Variants in SORT1 observed in about 807,000 individuals in gnomAD.
The protein encoded by SORT1 is sortilin 1.
A neutral mutation model predicts 101.7 loss-of-function variants in SORT1; 39 were observed. That is an observed-to-expected ratio of 0.38 (90% CI 0.30 to 0.50). SORT1 has a LOEUF of 0.50. SORT1 is among the 20% of genes least tolerant of loss of function. The probability of loss-of-function intolerance (pLI) is 0.90; values close to 1 mark genes in which losing one functional copy is unlikely to be tolerated. For missense variants in SORT1, 878 were observed against 1,040.4 expected (o/e 0.84, Z 2.15); for synonymous variants, 396 against 393.7 (o/e 1.01, Z -0.07).
chr1:109,332,486 T>C (rs2101564050), intron 11 of SORT1, among the ~76,000 whole-genome samples: 1 of 152,250 alleles, frequency 6.6e-6, no homozygotes, highest in East Asian at 1.9e-4. Flanking sequence ...GGGAGGATTG[T>C]GTGAGCCTAG....
chr1:109,323,169 C>T (rs748113875), intron 14 of SORT1, 48 bp from the exon 15 acceptor site: 1 of 1,381,748 alleles, frequency 7.2e-7, no homozygotes, highest in South Asian at 1.3e-5. Context: ...ACAGAACCCA[C>T]CCACGGGAGG....
intron 4 of SORT1, 66 bp downstream of exon 4, chr1:109,355,301 C>T: frequency 1.2e-6 from 1 of 818,106 alleles, no homozygotes; most frequent in Non-Finnish European, 2.2e-6. Flanking sequence ...CATGCCAATA[C>T]TAATATCTGA....
At chr1:109,356,433 C>T (rs374016686) in intron 3 of SORT1, among the ~76,000 whole-genome samples, 1 of 152,284 alleles carries the variant, frequency 6.6e-6, no homozygotes, top group South Asian at 2.1e-4. Context: ...AGAAGCAGAG[C>T]CTATGACACT....
chr1:109,369,237 G>A (rs1219713634), intron 2 of SORT1, among the ~76,000 whole-genome samples: 2 of 152,138 alleles, frequency 1.3e-5, no homozygotes, highest in Non-Finnish European at 2.9e-5. Context: ...CAGGAGAATC[G>A]CTTGAACCCG....
Position 109,336,354 on chromosome 1 carries a change from G to C in SORT1, c.1265-8C>G. On this transcript the variant is annotated splice_region_variant and splice_polypyrimidine_tract_variant and intron_variant, in intron 10 of 19. Transcript: ENST00000256637. The stretch of plus-strand genomic sequence containing the variant: ...TGGTCTGGATAGAATTATCTGAATG[G>C]GAAGAGAACAACATTAAGTCTGATA... 1.9e-6 allele frequency: 3 copies of C among 1,545,320 alleles called. No individual in the cohort carries two copies. Among genetic ancestry groups the C allele is most frequent in the Non-Finnish European group, 1.8e-6 (2 of 1,117,086 alleles).
intron 10 of SORT1, among the ~76,000 whole-genome samples, chr1:109,339,611 T>C (rs775646574): frequency 1.2e-4 from 19 of 152,124 alleles, no homozygotes; most frequent in African/African-American, 4.3e-4. Context: ...TGCAATGAAG[T>C]AGAGAAATTG....
At chr1:109,319,439 T>G (rs1464577710) in intron 15 of SORT1, among the ~76,000 whole-genome samples, 1 of 152,210 alleles carries the variant, frequency 6.6e-6, no homozygotes, top group Non-Finnish European at 1.5e-5. Flanking sequence ...GTCTTGACCT[T>G]AGAAATTACT....
At chr1:109,369,726 A>G in intron 1 of SORT1, 137 bp from the exon 2 acceptor site, 1 of 650,634 alleles carries the variant, frequency 1.5e-6, no homozygotes, top group South Asian at 1.8e-5. Context: ...TTCCCAGTAC[A>G]AAATTTGGGA....
intron 3 of SORT1, among the ~76,000 whole-genome samples, chr1:109,364,468 T>A (rs1650949468): frequency 6.6e-6 from 1 of 152,340 alleles, no homozygotes; most frequent in South Asian, 2.1e-4. Flanking sequence ...ATATGTATGA[T>A]ACTGATCACA....
chr1:109,371,547 G>A (rs948706556), intron 1 of SORT1, among the ~76,000 whole-genome samples: 1 of 152,208 alleles, frequency 6.6e-6, no homozygotes, highest in Non-Finnish European at 1.5e-5. Flanking sequence ...TCATCAGGCT[G>A]TAAGATATCA....
intron 14 of SORT1, among the ~76,000 whole-genome samples, chr1:109,324,118 TTTTC>T (rs1647823274): frequency 8.8e-6 from 1 of 113,364 alleles, no homozygotes; most frequent in African/African-American, 3.0e-5. Flanking sequence ...TTTCCAGTGT[TTTTC>T]TTTATCCCCC....
chr1:109,362,927 T>C lies in SORT1; in HGVS notation c.440+4481A>G, dbSNP rs188536352. The stretch of plus-strand genomic sequence containing the variant: ...TGAACTGAGCATATCATTAAAAAGG[T>C]TGTTACACAACATGCCTTGAAGAAG... On this transcript the variant is annotated intron_variant, in intron 3 of 19. Transcript: ENST00000256637. Among the ~76,000 whole-genome samples, 796 of 152,196 alleles carry C rather than the reference T, an allele frequency of 5.2e-3. 4 individuals carry two copies. The highest frequency in any genetic ancestry group is 8.0e-3 in the Non-Finnish European group (545 of 67,978).
At chr1:109,340,449 T>A (rs1649134698) in intron 10 of SORT1, among the ~76,000 whole-genome samples, 1 of 151,966 alleles carries the variant, frequency 6.6e-6, no homozygotes, top group African/African-American at 2.4e-5. Flanking sequence ...CAATTTCTAT[T>A]TGGGATGATG....
In SORT1 at chr1:109,314,762, G is replaced by T. The variant is rs770388154; in HGVS notation, c.2267C>A (p.Ser756Tyr). ...SPEKQNSKSNSVPIILAIVGL... is the reference protein window; with the variant it reads ...SPEKQNSKSNYVPIILAIVGL... ...CACGATGGCCAGGATAATTGGAACA[G>T]AATTTGACTTGGAATTCTTGAGAAA... The change falls in exon 18 of 20, where the codon TCT becomes TAT. Residue 756 changes from serine (S) to tyrosine (Y), a missense_variant. Ser to Tyr is a moderately radical substitution (Grantham distance 144). Transcript: ENST00000256637. 4.4e-5 allele frequency: 70 copies of T among 1,605,432 alleles called. No individual in the cohort carries two copies. Among genetic ancestry groups the T allele is most frequent in the Middle Eastern group, 1.6e-4 (1 of 6,074 alleles).
Position 109,317,864 on chromosome 1 carries a change from T to C in SORT1, c.2130A>G (p.Leu710=). 1 of 1,606,810 alleles carries C rather than the reference T, an allele frequency of 6.2e-7. No homozygotes were observed. The highest frequency in any genetic ancestry group is 8.5e-7 in the Non-Finnish European group (1 of 1,173,454). ...EFCLYGREEH[L]TTNGYRKIPG... is the part of the protein sequence containing the mutation. ...AAAGGCCACCTCACCCATTTGTTGT[T>C]AGGTGTTCTTCTCTTCCGTACAGAC... The change falls in exon 16 of 20, where the codon CTA becomes CTG. Residue 710 remains leucine (L), a synonymous_variant. Coordinates refer to ENST00000256637, the MANE Select transcript of SORT1 (RefSeq NM_002959.7).
intron 13 of SORT1, among the ~76,000 whole-genome samples, chr1:109,326,510 C>T (rs868432703): frequency 1.1e-4 from 15 of 132,684 alleles, no homozygotes; most frequent in Admixed American, 2.3e-4. Flanking sequence ...TATATACACA[C>T]ATACACATAT....
chr1:109,345,034 A>C (rs926837189), intron 8 of SORT1, among the ~76,000 whole-genome samples: 4 of 152,072 alleles, frequency 2.6e-5, no homozygotes, highest in African/African-American at 9.7e-5. Context: ...TTCCCCCTTA[A>C]ACATAAGTTC....
chr1:109,325,475 G>A (rs1647942229), intron 13 of SORT1, among the ~76,000 whole-genome samples: 2 of 151,732 alleles, frequency 1.3e-5, no homozygotes, highest in Admixed American at 1.3e-4. Flanking sequence ...CCTGACCTCA[G>A]GTAATCTTCC....
At chr1:109,366,822 G>A (rs1228706375) in intron 3 of SORT1, 1 of 152,224 alleles carries the variant, frequency 6.6e-6, no homozygotes, top group East Asian at 1.9e-4. Context: ...GGAAGATGGT[G>A]GATGGCTTGA....
Sources: gnomAD v4.1 joint callset for allele counts (sites outside exome capture counted in the v4.1 genomes callset) on GRCh38, gnomAD v4.1.1 for gene constraint, MANE v1.5 for transcripts, NCBI Gene and HGNC (gene_info 2026-07-23, HGNC 2026-07-21) for gene names.